The following DLG2 variants were observed in gnomAD, a reference collection of about 807,000 sequenced individuals.
DLG2 encodes discs large MAGUK scaffold protein 2, also known as disks large homolog 2.
A neutral mutation model predicts 132.5 loss-of-function variants in DLG2; 45 were observed. The ratio of observed to expected loss-of-function variants is 0.34; its 90% CI spans 0.27 to 0.44. The LOEUF (loss-of-function observed/expected upper bound fraction) is 0.44. Ranked by LOEUF, DLG2 falls within the 20% of genes least tolerant of loss-of-function variation. DLG2 has a pLI of 1.00. For missense variants in DLG2, 1,045 were observed against 1,196.9 expected (o/e 0.87, Z 1.87); for synonymous variants, 424 against 419.6 (o/e 1.01, Z -0.13).
chr11:84,608,570 T>C (rs2099589847), intron 6 of DLG2, among the ~76,000 whole-genome samples: 1 of 152,150 alleles, frequency 6.6e-6, no homozygotes, highest in South Asian at 2.1e-4. Context: ...TTTGGAAAGT[T>C]GGCAAGGCTG....
chr11:84,704,438 A>G (rs2059570417), intron 6 of DLG2, among the ~76,000 whole-genome samples: 2 of 151,518 alleles, frequency 1.3e-5, no homozygotes, highest in Admixed American at 6.6e-5. Flanking sequence ...GTTATTTATT[A>G]CTCTGGGCCC....
intron 6 of DLG2, among the ~76,000 whole-genome samples, chr11:84,999,864 C>T (rs893815322): frequency 6.6e-6 from 1 of 152,074 alleles, no homozygotes; most frequent in African/African-American, 2.4e-5. Context: ...GGGAAATAAA[C>T]CTTGCATACA....
At chr11:83,770,548 T>C (rs1253891796) in intron 18 of DLG2, among the ~76,000 whole-genome samples, 2 of 152,096 alleles carry the variant, frequency 1.3e-5, no homozygotes, top group Non-Finnish European at 2.9e-5. Flanking sequence ...TTTGGATGTA[T>C]AAATTTAGAG....
At chr11:83,716,188 G>GT (rs1465405662) in intron 18 of DLG2, among the ~76,000 whole-genome samples, 2 of 152,086 alleles carry the variant, frequency 1.3e-5, no homozygotes, top group Non-Finnish European at 2.9e-5. Flanking sequence ...TTTTTTGTTT[G>GT]TTTTTTCTTT....
intron 12 of DLG2, among the ~76,000 whole-genome samples, chr11:83,966,784 CTAATA>C (rs767538557): frequency 5.3e-5 from 8 of 152,002 alleles, no homozygotes; most frequent in Non-Finnish European, 5.9e-5. Context: ...CGCAAAATTC[CTAATA>C]TAATACAATT....
chr11:84,283,242 C>T (rs1433742905), intron 7 of DLG2, among the ~76,000 whole-genome samples: 2 of 152,158 alleles, frequency 1.3e-5, no homozygotes, highest in African/African-American at 2.4e-5. Context: ...AGGTCTTATT[C>T]GTAATATACA....
chr11:85,109,315 A>G (rs2072325164), intron 6 of DLG2, among the ~76,000 whole-genome samples: 1 of 152,118 alleles, frequency 6.6e-6, no homozygotes, highest in African/African-American at 2.4e-5. Context: ...CCCCAGTTCT[A>G]TGGCAGAAAT....
chr11:85,216,579 G>T (rs1323358085), intron 4 of DLG2, among the ~76,000 whole-genome samples: 1 of 152,152 alleles, frequency 6.6e-6, no homozygotes, highest in Non-Finnish European at 1.5e-5. Flanking sequence ...CAGTTTTCAT[G>T]ACATTAGCAT....
chr11:83,963,536 A>T (rs116745309), intron 13 of DLG2, among the ~76,000 whole-genome samples: 2,251 of 151,870 alleles, frequency 0.015, 56 homozygotes, highest in African/African-American at 0.05. Flanking sequence ...CTTTTAGGTG[A>T]CTAAAAACAC....
intron 6 of DLG2, among the ~76,000 whole-genome samples, chr11:84,579,244 T>A (rs1463030383): frequency 6.6e-6 from 1 of 150,716 alleles, no homozygotes; most frequent in Non-Finnish European, 1.5e-5. Flanking sequence ...ACACAACTAA[T>A]CCTAACCTTT....
chr11:84,204,800 C>T (rs1397602710), intron 8 of DLG2, among the ~76,000 whole-genome samples: 1 of 152,136 alleles, frequency 6.6e-6, no homozygotes, highest in Non-Finnish European at 1.5e-5. Context: ...CTCCTGAATT[C>T]AAGCCATTCT....
intron 9 of DLG2, among the ~76,000 whole-genome samples, chr11:84,137,236 T>C (rs958145649): frequency 6.6e-6 from 1 of 152,168 alleles, no homozygotes; most frequent in African/African-American, 2.4e-5. Context: ...TTTGAAACTA[T>C]GCAGCTTTGA....
In DLG2 at chr11:84,163,456, C is replaced by G; in HGVS notation, c.624+5G>C. On this transcript the variant is annotated splice_donor_5th_base_variant and intron_variant, in intron 9 of 27. Coordinates refer to ENST00000376104, the MANE Select transcript of DLG2 (RefSeq NM_001142699.3). ...GGCTTTGGATTTTTCAAAATTTTTT[C>G]TTACCCTCTCCAGTGTAATTTCTTC... 1 of 1,602,594 alleles carries G rather than the reference C, an allele frequency of 6.2e-7. No homozygotes were observed.
intron 4 of DLG2, among the ~76,000 whole-genome samples, chr11:85,221,123 A>G (rs2074612219): frequency 6.6e-6 from 1 of 151,634 alleles, no homozygotes; most frequent in Non-Finnish European, 1.5e-5. Context: ...GCTCACTGCA[A>G]GCTCTGCCCC....
intron 6 of DLG2, among the ~76,000 whole-genome samples, chr11:85,071,127 T>C (rs1053251717): frequency 6.6e-6 from 1 of 151,912 alleles, no homozygotes; most frequent in African/African-American, 2.4e-5. Flanking sequence ...AATTCATCTA[T>C]ATAAAGCTAT....
chr11:85,047,180 T>A (rs576460780), intron 6 of DLG2, among the ~76,000 whole-genome samples: 2 of 152,118 alleles, frequency 1.3e-5, no homozygotes, highest in South Asian at 4.1e-4. Flanking sequence ...AACAGCCTAG[T>A]GACACTAAGA....
intron 6 of DLG2, among the ~76,000 whole-genome samples, chr11:85,013,886 C>G (rs774669876): frequency 3.3e-5 from 5 of 151,952 alleles, no homozygotes; most frequent in Admixed American, 1.3e-4. Context: ...TGCTATTATG[C>G]TATCAAAAGC....
At chr11:84,477,039 G>GC (rs1411227459) in intron 7 of DLG2, among the ~76,000 whole-genome samples, 2 of 152,074 alleles carry the variant, frequency 1.3e-5, no homozygotes, top group African/African-American at 4.8e-5. Context: ...GGAAACACTA[G>GC]CAGACACACT....
intron 6 of DLG2, among the ~76,000 whole-genome samples, chr11:85,017,070 T>C (rs1462589281): frequency 2.6e-5 from 4 of 152,186 alleles, no homozygotes; most frequent in African/African-American, 9.7e-5. Context: ...AGTTGGGTAG[T>C]TGCTACAGAT....
Sources: gnomAD v4.1 joint callset for allele counts (sites outside exome capture counted in the v4.1 genomes callset) on GRCh38, gnomAD v4.1.1 for gene constraint, MANE v1.5 for transcripts, NCBI Gene and HGNC (gene_info 2026-07-23, HGNC 2026-07-21) for gene names.